RAB39A: variants seen among roughly 807,000 people sequenced by gnomAD.
RAB39A encodes ras-related protein Rab-39A.
RAB39A carries 17 observed loss-of-function variants against 20.9 expected under a neutral mutation model. The observed-to-expected ratio is 0.81, with a 90% CI of 0.56 to 1.22. The LOEUF (loss-of-function observed/expected upper bound fraction) is 1.22, where lower values mean the gene tolerates loss of function less well. Ranked by LOEUF, RAB39A falls within the 50% of genes most tolerant of loss-of-function variation. The pLI is 0.00. For missense variants in RAB39A, 234 were observed against 270.5 expected (o/e 0.87, Z 0.95); for synonymous variants, 99 against 103.4 (o/e 0.96, Z 0.26).
At chr11:107,951,813 G>A (rs1455721959) in intron 1 of RAB39A, among the ~76,000 whole-genome samples, 1 of 151,792 alleles carries the variant, frequency 6.6e-6, no homozygotes, top group Non-Finnish European at 1.5e-5. Context: ...GAGCATTCCA[G>A]GGCCTATGGA....
intron 1 of RAB39A, among the ~76,000 whole-genome samples, chr11:107,958,112 G>A (rs1351253213): frequency 2.6e-5 from 4 of 151,954 alleles, no homozygotes; most frequent in African/African-American, 7.3e-5. Flanking sequence ...GGTTGGTCTC[G>A]AATTCCTGAC....
intron 1 of RAB39A, among the ~76,000 whole-genome samples, chr11:107,937,106 T>G (rs540388861): frequency 8.5e-5 from 13 of 152,210 alleles, no homozygotes; most frequent in Middle Eastern, 3.4e-3. Context: ...AAAAGTGTAT[T>G]GTAAGTAGTA....
chr11:107,958,618 A>G (rs1861462315), intron 1 of RAB39A, among the ~76,000 whole-genome samples: 1 of 152,222 alleles, frequency 6.6e-6, no homozygotes, highest in African/African-American at 2.4e-5. Flanking sequence ...ATTACATAGA[A>G]GTGACAGATG....
At chr11:107,950,631 G>T (rs1201196758) in intron 1 of RAB39A, among the ~76,000 whole-genome samples, 3 of 152,044 alleles carry the variant, frequency 2.0e-5, no homozygotes, top group African/African-American at 7.2e-5. Flanking sequence ...GCTAGGCAAG[G>T]TGGCAGGCGC....
chr11:107,954,170 A>G (rs555980269), intron 1 of RAB39A, among the ~76,000 whole-genome samples: 6 of 152,338 alleles, frequency 3.9e-5, no homozygotes, highest in Admixed American at 1.3e-4. Context: ...GTCGGTAGCT[A>G]CTGGAAAACT....
intron 1 of RAB39A, among the ~76,000 whole-genome samples, chr11:107,950,174 C>A (rs374321637): frequency 7.0e-6 from 1 of 142,946 alleles, no homozygotes; most frequent in African/African-American, 2.6e-5. Flanking sequence ...AGTGAGACTC[C>A]GTCTCAAAAA....
intron 1 of RAB39A, among the ~76,000 whole-genome samples, chr11:107,945,400 C>T (rs931168621): frequency 6.6e-6 from 1 of 151,198 alleles, no homozygotes; most frequent in Non-Finnish European, 1.5e-5. Flanking sequence ...TTTTTTTTCC[C>T]CCTGAAACCT....
intron 1 of RAB39A, among the ~76,000 whole-genome samples, chr11:107,943,831 A>G (rs939159871): frequency 1.3e-5 from 2 of 152,106 alleles, no homozygotes; most frequent in Admixed American, 1.3e-4. Flanking sequence ...GCAGTGGCTC[A>G]TGCCTGTAAT....
chr11:107,928,688 C>T lies in RAB39A; in HGVS notation c.120C>T (p.Ala40=), dbSNP rs754184349. 48 of 1,612,218 alleles carry T rather than the reference C, an allele frequency of 3.0e-5. No individual in the cohort carries two copies. The highest frequency in any genetic ancestry group is 3.8e-5 in the Non-Finnish European group (45 of 1,179,144). ...GCTTCCCCGGGCTGCGCTCCCCCGCCTGCGACCCCACCGTCGGCGTGGACT... is the reference window on the plus strand; with the variant it reads ...GCTTCCCCGGGCTGCGCTCCCCCGCTTGCGACCCCACCGTCGGCGTGGACT... ...QGRFPGLRSP[A]CDPTVGVDFF... Residue 40 remains alanine, a synonymous_variant, in exon 1 of 2, where the codon GCC becomes GCT. Coordinates refer to ENST00000320578, the MANE Select transcript of RAB39A (RefSeq NM_017516.3). The surrounding 1 kb of genome is among the most constrained non-coding windows in gnomAD (Gnocchi z 4.9).
At chr11:107,932,472 G>T (rs1421801477) in intron 1 of RAB39A, among the ~76,000 whole-genome samples, 1 of 152,116 alleles carries the variant, frequency 6.6e-6, no homozygotes, top group Non-Finnish European at 1.5e-5. Context: ...AGCAAAGCTG[G>T]GTTATAAGCA....
chr11:107,935,011 A>G (rs1233240004), intron 1 of RAB39A, among the ~76,000 whole-genome samples: 3 of 150,536 alleles, frequency 2.0e-5, no homozygotes, highest in Non-Finnish European at 4.4e-5. Flanking sequence ...CCTAACTATT[A>G]CCACTAAATC....
rs117694182 is a variant in RAB39A at position 107,960,517 on chromosome 11, C to T, written c.228-1429C>T. ...AAACAACATGTGGAGGGGCAAGAAA[C>T]GTAAAACAGTATAGCCTTGACACCT... On this transcript the variant is annotated intron_variant, in intron 1 of 1. Coordinates refer to ENST00000320578, the MANE Select transcript of RAB39A (RefSeq NM_017516.3). Among the ~76,000 whole-genome samples the T allele has an allele frequency of 4.1e-3, 619 of 152,218 alleles. 4 individuals carry two copies. Among genetic ancestry groups the T allele is most frequent in the Non-Finnish European group, 6.5e-3 (445 of 68,014 alleles).
chr11:107,932,381 G>A lies in RAB39A; in HGVS notation c.227+3586G>A, dbSNP rs1050707371. Among the ~76,000 whole-genome samples, 8 of 152,326 alleles carry A rather than the reference G, an allele frequency of 5.3e-5. No individual in the cohort carries two copies. In the South Asian group the frequency reaches 1.7e-3, roughly 32 times the overall value. On this transcript the variant is annotated intron_variant, in intron 1 of 1. Coordinates refer to ENST00000320578, the MANE Select transcript of RAB39A (RefSeq NM_017516.3). ...GTATAGAGTGGTCCAAGTTGGTGGA[G>A]TGGTTCTGCACCAGACCATCATTCA...
rs1861110477 is a variant in RAB39A, at chr11:107,928,902, C to T, written c.227+107C>T. On this transcript the variant is annotated intron_variant, in intron 1 of 1. Coordinates refer to ENST00000320578, the MANE Select transcript of RAB39A (RefSeq NM_017516.3). This position sits in a 1 kb window ranked among gnomAD's most constrained non-coding sequence, Gnocchi z 4.9. The stretch of plus-strand genomic sequence containing the variant: ...GCCCTGGTCGGGAGAGGCTCTGGCC[C>T]TTCCCTCTCGAAAGTGCAAACACTC... 9.1e-6 allele frequency: 8 copies of T among 882,166 alleles called. No individual in the cohort carries two copies. The Admixed American group carries it at 2.5e-4, about 27-fold the overall frequency. The allele number at this position is 882,166 out of a possible 1,614,324, so 54.6% of individuals were successfully genotyped here.
chr11:107,960,408 A>G (rs1191984176), intron 1 of RAB39A, among the ~76,000 whole-genome samples: 1 of 152,152 alleles, frequency 6.6e-6, no homozygotes, highest in Non-Finnish European at 1.5e-5. Flanking sequence ...GGCTGCTCAG[A>G]TGGTATGATT....
At chr11:107,939,501 G>A (rs1336721067) in intron 1 of RAB39A, among the ~76,000 whole-genome samples, 2 of 149,540 alleles carry the variant, frequency 1.3e-5, no homozygotes, top group South Asian at 2.1e-4. Context: ...TGTAGTCCCA[G>A]CTGGAGGCTG....
chr11:107,935,647 A>T (rs1171559125), intron 1 of RAB39A, among the ~76,000 whole-genome samples: 2 of 152,046 alleles, frequency 1.3e-5, no homozygotes, highest in African/African-American at 4.8e-5. Context: ...AAGTGCTGGG[A>T]TTACAGGTGT....
At chr11:107,935,261 G>A (rs1030013184) in intron 1 of RAB39A, among the ~76,000 whole-genome samples, 4 of 152,284 alleles carry the variant, frequency 2.6e-5, no homozygotes, top group East Asian at 1.9e-4. Flanking sequence ...AGAGTAGGAC[G>A]TACCTGAAAG....
intron 1 of RAB39A, among the ~76,000 whole-genome samples, chr11:107,951,645 G>A (rs1400293240): frequency 6.3e-5 from 7 of 110,702 alleles, no homozygotes; most frequent in Admixed American, 2.7e-4. Context: ...TTGGAGACAC[G>A]GTCTCAATCT....
Sources: allele counts gnomAD v4.1 joint callset (sites outside exome capture counted in the v4.1 genomes callset), GRCh38; gene constraint gnomAD v4.1.1; non-coding constraint Gnocchi (gnomAD v3.1); transcripts MANE v1.5; gene names NCBI Gene and HGNC (gene_info 2026-07-23, HGNC 2026-07-21).